The following GYS2 variants were observed in gnomAD, a reference collection of about 807,000 sequenced individuals.
GYS2 encodes glycogen synthase 2.
GYS2 carries 80 observed loss-of-function variants against 85.6 expected under a neutral mutation model. That is an observed-to-expected ratio of 0.93 (90% confidence interval 0.78 to 1.13). GYS2 has a LOEUF of 1.13. GYS2 is among the 50% of genes most tolerant of loss of function. The pLI is 0.00. For missense variants in GYS2, 881 were observed against 854.9 expected, an observed-to-expected ratio of 1.03 and a Z score of -0.38; for synonymous variants, 328 against 300.7, an observed-to-expected ratio of 1.09 and a Z score of -0.94.
At chr12:21,558,597 G>A (rs1944212192) in intron 10 of GYS2, among the ~76,000 whole-genome samples, 1 of 152,128 alleles carries the variant, frequency 6.6e-6, no homozygotes, top group Non-Finnish European at 1.5e-5. Flanking sequence ...GGAATATAAA[G>A]GTGTCCTGAA....
Position 21,604,648 on chromosome 12 carries a change from C to T in GYS2, c.-56G>A. The stretch of plus-strand genomic sequence containing the variant: ...ATTCCTGTTTCAATTAGTTGTAATC[C>T]CAGGAGAAGAGAACTTACAGGCACA... On this transcript the variant is annotated 5_prime_UTR_variant, in exon 1 of 16. Coordinates refer to ENST00000261195, the MANE Select transcript of GYS2 (RefSeq NM_021957.4). The T allele has an allele frequency of 6.2e-7, 1 of 1,608,484 alleles. No homozygotes were observed. Among genetic ancestry groups the T allele is most frequent in the Non-Finnish European group, 8.5e-7 (1 of 1,176,390 alleles).
chr12:21,558,651 T>C (rs1238414893), intron 10 of GYS2, among the ~76,000 whole-genome samples: 2 of 152,240 alleles, frequency 1.3e-5, no homozygotes, highest in Non-Finnish European at 2.9e-5. Flanking sequence ...TTAGCAAGGC[T>C]GTCCTCCAGT....
intron 1 of GYS2, among the ~76,000 whole-genome samples, chr12:21,603,043 A>G (rs936188180): frequency 3.3e-5 from 5 of 152,118 alleles, no homozygotes; most frequent in African/African-American, 1.2e-4. Context: ...CACATGTGAT[A>G]GAGATGGTTC....
chr12:21,590,756 C>G (rs1944629314), intron 1 of GYS2, among the ~76,000 whole-genome samples: 1 of 152,210 alleles, frequency 6.6e-6, no homozygotes, highest in Non-Finnish European at 1.5e-5. Context: ...AGGCCCACCA[C>G]CACCACTGGG....
intron 11 of GYS2, among the ~76,000 whole-genome samples, chr12:21,554,659 GT>G (rs1052353548): frequency 2.0e-5 from 3 of 152,198 alleles, no homozygotes; most frequent in Non-Finnish European, 4.4e-5. Flanking sequence ...CCTGTCTGGA[GT>G]AGAGGAATGT....
chr12:21,582,086 T>C (rs1047410319), intron 1 of GYS2, among the ~76,000 whole-genome samples: 5 of 149,884 alleles, frequency 3.3e-5, no homozygotes, highest in Non-Finnish European at 4.5e-5. Flanking sequence ...GAAAAAAAAA[T>C]TGCAAACTAT....
At chr12:21,567,060 C>A (rs181520905) in intron 5 of GYS2, among the ~76,000 whole-genome samples, 1 of 152,118 alleles carries the variant, frequency 6.6e-6, no homozygotes, top group African/African-American at 2.4e-5. Context: ...AGATGTTCAC[C>A]GCCTTTAAAT....
intron 5 of GYS2, among the ~76,000 whole-genome samples, chr12:21,567,648 T>G (rs1944337227): frequency 6.6e-6 from 1 of 152,004 alleles, no homozygotes; most frequent in Non-Finnish European, 1.5e-5. Flanking sequence ...GATATATTAA[T>G]TAGGATGATT....
intron 11 of GYS2, among the ~76,000 whole-genome samples, chr12:21,547,939 G>A (rs1024952564): frequency 1.3e-5 from 2 of 152,162 alleles, no homozygotes; most frequent in African/African-American, 4.8e-5. Context: ...TCTATTAAAA[G>A]TGGATATATA....
chr12:21,604,579 C>T lies in GYS2; in HGVS notation c.14G>A (p.Arg5Gln), dbSNP rs535288005. 1.9e-6 allele frequency: 3 copies of T among 1,612,156 alleles called. No individual in the cohort carries two copies. The highest frequency in any genetic ancestry group is 1.7e-5 in the Admixed American group (1 of 59,890). The change falls in exon 1 of 16, where the codon CGA (arginine) becomes CAA (glutamine). Residue 5 changes from arginine (R) to glutamine (Q), a missense_variant. Coordinates refer to ENST00000261195, the MANE Select transcript of GYS2 (RefSeq NM_021957.4). ...ACCCAGGGATGTTACAGAGAGGGAT[C>T]GGCCTCGAAGCATTCTTCTTACAGT... MLRG[R>Q]SLSVTSLGGL...
chr12:21,599,890 C>G (rs915317958), intron 1 of GYS2, among the ~76,000 whole-genome samples: 2 of 152,012 alleles, frequency 1.3e-5, no homozygotes, highest in Non-Finnish European at 2.9e-5. Context: ...TTATTAAATG[C>G]TAGGCACAGT....
chr12:21,598,238 G>C (rs1169971658), intron 1 of GYS2, among the ~76,000 whole-genome samples: 3 of 152,050 alleles, frequency 2.0e-5, no homozygotes, highest in Non-Finnish European at 4.4e-5. Context: ...ATAAATACTT[G>C]AGGTGATGAA....
At chr12:21,600,115 T>C (rs1250953730) in intron 1 of GYS2, among the ~76,000 whole-genome samples, 6 of 152,126 alleles carry the variant, frequency 3.9e-5, no homozygotes, top group Non-Finnish European at 5.9e-5. Flanking sequence ...TTGATGGATC[T>C]TTTTGCTTTT....
At chr12:21,578,861 T>G (rs1591802458) in intron 2 of GYS2, among the ~76,000 whole-genome samples, 1 of 152,310 alleles carries the variant, frequency 6.6e-6, no homozygotes, top group East Asian at 1.9e-4. Context: ...ATTTCCTTTT[T>G]GCAAATAAAC....
intron 2 of GYS2, among the ~76,000 whole-genome samples, chr12:21,578,759 T>C (rs80273338): frequency 0.025 from 3,873 of 152,204 alleles, 175 homozygotes; most frequent in African/African-American, 0.088. Flanking sequence ...CAGTATTGCT[T>C]TGGATCTTGT....
At chr12:21,582,447 T>C (rs7961384) in intron 1 of GYS2, among the ~76,000 whole-genome samples, 147,762 of 152,144 alleles carry the variant, frequency 0.97, 71,904 homozygotes, top group East Asian at 1. Context: ...CCTGGAACAT[T>C]GAACTCCAGG....
rs770616190 is a variant in GYS2 at position 21,563,278 on chromosome 12, A to C, written c.891T>G (p.His297Gln). The change falls in exon 6 of 16, where the codon CAT becomes CAG. Residue 297 changes from histidine to glutamine, a missense_variant. Physicochemically the swap from His to Gln is conservative, Grantham distance 24. Coordinates refer to ENST00000261195, the MANE Select transcript of GYS2 (RefSeq NM_021957.4). ...FSAVHEFQNL[H>Q]AMYKARIQDF... ...CTTGGATTCTGGCCTTGTACATGGCATGTAGATTTTGAAACTCATGCACTG... is the reference window on the plus strand; with the variant it reads ...CTTGGATTCTGGCCTTGTACATGGCCTGTAGATTTTGAAACTCATGCACTG... The C allele has an allele frequency of 6.2e-7, 1 of 1,612,774 alleles. No individual in the cohort carries two copies. The highest frequency in any genetic ancestry group is 8.5e-7 in the Non-Finnish European group (1 of 1,178,822).
At chr12:21,538,521 T>C (rs1943935807) in intron 15 of GYS2, among the ~76,000 whole-genome samples, 1 of 152,188 alleles carries the variant, frequency 6.6e-6, no homozygotes, top group African/African-American at 2.4e-5. Flanking sequence ...TTACATGAGA[T>C]AGAGGCTCCT....
chr12:21,598,920 G>A (rs1327615711), intron 1 of GYS2, among the ~76,000 whole-genome samples: 1 of 152,110 alleles, frequency 6.6e-6, no homozygotes, highest in Non-Finnish European at 1.5e-5. Flanking sequence ...TGAAAGAAAA[G>A]ATGAGCTACC....
Sources: allele counts gnomAD v4.1 joint callset (sites outside exome capture counted in the v4.1 genomes callset), GRCh38; gene constraint gnomAD v4.1.1; transcripts MANE v1.5; gene names NCBI Gene and HGNC (gene_info 2026-07-23, HGNC 2026-07-21).